PCDH15: variants seen among roughly 807,000 people sequenced by gnomAD.
The protein encoded by PCDH15 is protocadherin related 15.
Under a neutral mutation model 178.5 loss-of-function variants are expected in PCDH15, and 129 were observed. The observed-to-expected ratio is 0.72, with a 90% CI of 0.63 to 0.84. PCDH15 has a LOEUF of 0.84. Among genes scored for constraint, PCDH15 ranks in the 40% least tolerant of loss-of-function variants. The pLI, the probability that PCDH15 is intolerant of heterozygous loss-of-function variation, is 0.00. For missense variants in PCDH15, 2,230 were observed against 2,099.9 expected (o/e 1.06, Z -1.21); for synonymous variants, 800 against 732.0 (o/e 1.09, Z -1.50).
At chr10:55,069,656 T>G (rs1298610319) in intron 2 of PCDH15, among the ~76,000 whole-genome samples, 30 of 144,666 alleles carry the variant, frequency 2.1e-4, no homozygotes, top group African/African-American at 7.7e-4. Flanking sequence ...ATGTGCCACA[T>G]TTTCTTAATC....
At chr10:54,453,821 G>A (rs899485096) in intron 3 of PCDH15, among the ~76,000 whole-genome samples, 4 of 151,848 alleles carry the variant, frequency 2.6e-5, no homozygotes, top group African/African-American at 9.7e-5. Context: ...AAGAGGCAAG[G>A]GAAGTTCCTT....
At chr10:54,263,214 G>A (rs975004853) in intron 8 of PCDH15, among the ~76,000 whole-genome samples, 2 of 152,150 alleles carry the variant, frequency 1.3e-5, no homozygotes. Flanking sequence ...TCTCTGGAGA[G>A]TTGTGTCCCT....
rs183266794 is a variant in PCDH15 at position 54,756,671 on chromosome 10, C to T, written c.-29+44254G>A. Among the ~76,000 whole-genome samples the T allele has an allele frequency of 1.0e-3, 157 of 150,652 alleles. 1 individual carries two copies. Among genetic ancestry groups the T allele is most frequent in the African/African-American group, 3.7e-3 (152 of 40,980 alleles). On this transcript the variant is annotated intron_variant, in intron 1 of 37. Transcript: ENST00000644397. ...TAAACAAACCAGTCATTTATGTGAG[C>T]GTGTGTATGTGTATGTGTCTTTCTG...
At chr10:54,003,475 GA>G (rs1387853701) in intron 20 of PCDH15, among the ~76,000 whole-genome samples, 1 of 151,822 alleles carries the variant, frequency 6.6e-6, no homozygotes, top group African/African-American at 2.4e-5. Context: ...TGGCTACTAT[GA>G]ACAAACATAT....
At chr10:54,758,315 T>C (rs1210161969) in intron 1 of PCDH15, among the ~76,000 whole-genome samples, 1 of 152,176 alleles carries the variant, frequency 6.6e-6, no homozygotes, top group Non-Finnish European at 1.5e-5. Context: ...TATTAATGTA[T>C]GGTAAAATAC....
At chr10:55,216,740 C>A (rs1228287606) in intron 1 of PCDH15, among the ~76,000 whole-genome samples, 1 of 151,766 alleles carries the variant, frequency 6.6e-6, no homozygotes, top group African/African-American at 2.4e-5. Context: ...ATCTTGCACT[C>A]AAAAAATTTT....
intron 1 of PCDH15, among the ~76,000 whole-genome samples, chr10:54,710,522 G>A (rs570345594): frequency 6.6e-6 from 1 of 151,802 alleles, no homozygotes. Flanking sequence ...TTTTCTACTG[G>A]CTGCTGCAGA....
chr10:55,380,568 G>T (rs1477004712), intron 2 of PCDH15, among the ~76,000 whole-genome samples: 1 of 152,142 alleles, frequency 6.6e-6, no homozygotes, highest in African/African-American at 2.4e-5. Flanking sequence ...AGAAGAATTT[G>T]CTAGTGGCCT....
intron 25 of PCDH15, among the ~76,000 whole-genome samples, chr10:53,918,466 G>A (rs2083713345): frequency 6.6e-6 from 1 of 152,066 alleles, no homozygotes; most frequent in African/African-American, 2.4e-5. Context: ...TAGAATACAG[G>A]CAATCAAATA....
intron 2 of PCDH15, among the ~76,000 whole-genome samples, chr10:55,341,193 A>G (rs1844546839): frequency 6.6e-6 from 1 of 151,984 alleles, no homozygotes; most frequent in Non-Finnish European, 1.5e-5. Flanking sequence ...CCTTTCTTTC[A>G]CATTTAAAGG....
intron 3 of PCDH15, among the ~76,000 whole-genome samples, chr10:54,424,997 T>G (rs11004294): frequency 0.46 from 66,923 of 145,788 alleles, 16,009 homozygotes; most frequent in Non-Finnish European, 0.52. Context: ...ACCCTAGAAC[T>G]TAAAGTATAA....
intron 2 of PCDH15, chr10:54,528,493 G>C: frequency 1.1e-6 from 1 of 941,886 alleles, no homozygotes; most frequent in Non-Finnish European, 1.6e-6. Context: ...TATTTAGTGA[G>C]AGATTTAAGG....
chr10:54,568,869 T>C (rs1244422492), intron 2 of PCDH15, among the ~76,000 whole-genome samples: 2 of 152,064 alleles, frequency 1.3e-5, no homozygotes, highest in African/African-American at 4.8e-5. Context: ...CAATCATCAA[T>C]AAAAATTAAG....
At chr10:54,503,091 T>C (rs2080849603) in intron 3 of PCDH15, among the ~76,000 whole-genome samples, 1 of 151,280 alleles carries the variant, frequency 6.6e-6, no homozygotes, top group Non-Finnish European at 1.5e-5. Context: ...TTTATTTAGG[T>C]GTTGATAGTT....
chr10:54,199,204 T>G (rs1378617090), intron 10 of PCDH15, among the ~76,000 whole-genome samples: 1 of 152,208 alleles, frequency 6.6e-6, no homozygotes, highest in Non-Finnish European at 1.5e-5. Flanking sequence ...CTATGTATTT[T>G]GTTCTATTTG....
chr10:54,243,852 G>A (rs1182989971), intron 8 of PCDH15, among the ~76,000 whole-genome samples: 1 of 152,002 alleles, frequency 6.6e-6, no homozygotes, highest in Non-Finnish European at 1.5e-5. Context: ...ATTGGGGTGA[G>A]TAGTATGGGC....
At chr10:55,404,108 G>A (rs1838139373) in intron 2 of PCDH15, among the ~76,000 whole-genome samples, 1 of 151,948 alleles carries the variant, frequency 6.6e-6, no homozygotes, top group South Asian at 2.1e-4. Flanking sequence ...TAAATGTATA[G>A]TTAGATTAAT....
At chr10:54,457,874 C>T (rs1434934756) in intron 3 of PCDH15, among the ~76,000 whole-genome samples, 3 of 152,152 alleles carry the variant, frequency 2.0e-5, no homozygotes, top group Admixed American at 2.0e-4. Flanking sequence ...GCATTCAGCA[C>T]TGTTTTATGC....
At chr10:54,003,305 T>C (rs1487654092) in intron 20 of PCDH15, among the ~76,000 whole-genome samples, 1 of 151,732 alleles carries the variant, frequency 6.6e-6, no homozygotes, top group African/African-American at 2.4e-5. Flanking sequence ...AATAAAAAGA[T>C]CAATGAAACA....
Sources: gnomAD v4.1 joint callset for allele counts (sites outside exome capture counted in the v4.1 genomes callset) on GRCh38, gnomAD v4.1.1 for gene constraint, MANE v1.5 for transcripts, NCBI Gene and HGNC (gene_info 2026-07-23, HGNC 2026-07-21) for gene names.